Variants in RAD54L2 observed in about 807,000 individuals in gnomAD.
RAD54L2 encodes the protein RAD54 like 2.
A neutral mutation model predicts 138.4 loss-of-function variants in RAD54L2; 27 were observed. The observed-to-expected ratio is 0.20, with a 90% CI of 0.14 to 0.27. The LOEUF (loss-of-function observed/expected upper bound fraction) is 0.27, where lower values mean the gene tolerates loss of function less well. Among genes scored for constraint, RAD54L2 ranks in the 10% least tolerant of loss-of-function variants. The pLI is 1.00. For synonymous variants in RAD54L2, 644 were observed against 723.2 expected, an observed-to-expected ratio of 0.89 and a Z score of 1.76; for missense variants, 1,396 against 1,890.2, an observed-to-expected ratio of 0.74 and a Z score of 4.85.
At chr3:51,551,496 C>T (rs530553666) in intron 2 of RAD54L2, among the ~76,000 whole-genome samples, 11 of 151,052 alleles carry the variant, frequency 7.3e-5, no homozygotes, top group Non-Finnish European at 1.3e-4. Flanking sequence ...AGTGCAGTGG[C>T]GCGATCTCGG....
At chr3:51,607,830 G>A (rs1700229175) in intron 3 of RAD54L2, among the ~76,000 whole-genome samples, 2 of 150,144 alleles carry the variant, frequency 1.3e-5, no homozygotes, top group Non-Finnish European at 3.0e-5. Context: ...CTCCCAGACG[G>A]GGCGGCTGGG....
In RAD54L2 at chr3:51,538,752, C is replaced by G. The variant is rs1299720350; in HGVS notation, c.-280C>G. ...GCGCCGCCGCCGGTGGAGACCGACG[C>G]TTGGCCAGAGCCAGCCCGCGGCGCC... On this transcript the variant is annotated 5_prime_UTR_variant, in exon 1 of 23. Coordinates refer to ENST00000684192, the MANE Select transcript of RAD54L2 (RefSeq NM_015106.4). Among the ~76,000 whole-genome samples the G allele has an allele frequency of 2.6e-5, 4 of 151,924 alleles. No homozygotes were observed. Among genetic ancestry groups the G allele is most frequent in the Admixed American group, 2.6e-4 (4 of 15,240 alleles).
chr3:51,630,548 T>A, intron 6 of RAD54L2, 157 bp from the exon 7 acceptor site: 1 of 977,080 alleles, frequency 1.0e-6, no homozygotes, highest in Non-Finnish European at 1.5e-6. Context: ...TTGCTTGTCT[T>A]AACTTGAAGC....
intron 2 of RAD54L2, among the ~76,000 whole-genome samples, chr3:51,571,679 A>G (rs902179382): frequency 6.6e-6 from 1 of 151,984 alleles, no homozygotes; most frequent in Non-Finnish European, 1.5e-5. Context: ...CAAATAGCTT[A>G]TTTATCTGAT....
intron 2 of RAD54L2, among the ~76,000 whole-genome samples, chr3:51,566,466 GTTTTTTTTTTTTTTT>G (rs71084149): frequency 5.4e-4 from 17 of 31,534 alleles, no homozygotes; most frequent in Admixed American, 1.3e-3. Flanking sequence ...CCTTTTCTGC[GTTTTTTTTTTTTTTT>G]TTTTTTTTTT....
chr3:51,653,925 G>T (rs1055764556), intron 19 of RAD54L2, among the ~76,000 whole-genome samples: 1 of 152,164 alleles, frequency 6.6e-6, no homozygotes. Context: ...GGAACTTAAA[G>T]TATAATAAAA....
rs181742417 is a variant in RAD54L2 at position 51,658,613 on chromosome 3, T to C, written c.3316+944T>C. Among the ~76,000 whole-genome samples the C allele has an allele frequency of 1.1e-3, 169 of 152,270 alleles. 3 individuals carry two copies. The highest frequency in any genetic ancestry group is 3.5e-3 in the African/African-American group (146 of 41,554). On this transcript the variant is annotated intron_variant, in intron 21 of 22. Coordinates refer to ENST00000684192, the MANE Select transcript of RAD54L2 (RefSeq NM_015106.4). ...CATATTAGCCTTTAAATAAGCCCCA[T>C]GATTGTGTGAGGCTCTTTGAGACTT...
At chr3:51,588,525 A>ACT in intron 2 of RAD54L2, among the ~76,000 whole-genome samples, 1 of 145,846 alleles carries the variant, frequency 6.9e-6, no homozygotes, top group African/African-American at 2.5e-5. Flanking sequence ...ACAGAGTGAA[A>ACT]CTGCATCTCA....
intron 3 of RAD54L2, among the ~76,000 whole-genome samples, chr3:51,603,225 C>T (rs942036053): frequency 6.6e-6 from 1 of 151,224 alleles, no homozygotes; most frequent in Non-Finnish European, 1.5e-5. Flanking sequence ...GGGAGGATCA[C>T]TTGAGCCAGG....
intron 2 of RAD54L2, among the ~76,000 whole-genome samples, chr3:51,550,551 C>A (rs1265941138): frequency 1.3e-5 from 2 of 152,012 alleles, no homozygotes; most frequent in Non-Finnish European, 2.9e-5. Context: ...TTGCTTAAGT[C>A]CGGGATTTCG....
chr3:51,664,364 G>C lies in RAD54L2; in HGVS notation c.*944G>C, dbSNP rs1313350787. ...GGGAGGGAGAAGCACTGCAGTACGT[G>C]AATGAAAGGTCGCAGAGTTGTGGCT... is the stretch of plus-strand genomic sequence containing the variant. On this transcript the variant is annotated 3_prime_UTR_variant, in exon 23 of 23. Coordinates refer to ENST00000684192, the MANE Select transcript of RAD54L2 (RefSeq NM_015106.4). 1 of 152,236 alleles carries C rather than the reference G, an allele frequency of 6.6e-6. No individual in the cohort carries two copies. Among genetic ancestry groups the C allele is most frequent in the Admixed American group, 6.5e-5 (1 of 15,288 alleles). The allele number at this position is 152,236 out of a possible 1,614,324, so 9.4% of individuals were successfully genotyped here. A position where few individuals can be genotyped will look rare whatever the true frequency, so the allele number is the denominator to read the frequency against.
intron 19 of RAD54L2, among the ~76,000 whole-genome samples, chr3:51,652,938 TTAAAC>T (rs1260379655): frequency 6.6e-6 from 1 of 152,122 alleles, no homozygotes; most frequent in Non-Finnish European, 1.5e-5. Flanking sequence ...TGGGATCTAA[TTAAAC>T]TAAAGAGATT....
At chr3:51,558,940 C>A (rs1699035854) in intron 2 of RAD54L2, among the ~76,000 whole-genome samples, 1 of 152,112 alleles carries the variant, frequency 6.6e-6, no homozygotes, top group Admixed American at 6.5e-5. Flanking sequence ...GTGGCATGAT[C>A]TTGGCTTACT....
At chr3:51,598,870 C>A (rs995513849) in intron 3 of RAD54L2, among the ~76,000 whole-genome samples, 1 of 152,090 alleles carries the variant, frequency 6.6e-6, no homozygotes, top group Non-Finnish European at 1.5e-5. Context: ...TGCACCCCTT[C>A]CCCCATCCCT....
At chr3:51,604,448 TC>T (rs1700138036) in intron 3 of RAD54L2, among the ~76,000 whole-genome samples, 1 of 151,368 alleles carries the variant, frequency 6.6e-6, no homozygotes, top group African/African-American at 2.4e-5. Flanking sequence ...TCTATTTTGT[TC>T]CCACATAGCT....
intron 2 of RAD54L2, among the ~76,000 whole-genome samples, chr3:51,575,627 A>G (rs1008326947): frequency 1.3e-5 from 2 of 152,100 alleles, no homozygotes; most frequent in African/African-American, 2.4e-5. Context: ...ATGGGAGTTC[A>G]TTCATGATTT....
At position 51,585,241 on chromosome 3, in the gene RAD54L2, C is replaced by T. The variant is rs939640872; in HGVS notation, c.-54-5126C>T. 4.6e-5 allele frequency among the ~76,000 whole-genome samples: 7 copies of T among 152,248 alleles called. No homozygotes were observed. In the East Asian group the frequency reaches 1.2e-3, roughly 25 times the overall value. On this transcript the variant is annotated intron_variant, in intron 2 of 22. Transcript: ENST00000684192. ...GTGGACTTGCTTTGAGACCACTTGA[C>T]AGAATTTAGTACTACTGAAGGTCAC...
chr3:51,599,464 T>C (rs1456398279), intron 3 of RAD54L2, among the ~76,000 whole-genome samples: 1 of 152,142 alleles, frequency 6.6e-6, no homozygotes, highest in African/African-American at 2.4e-5. Flanking sequence ...ATTATCTTGA[T>C]TTTTATTAGT....
At chr3:51,627,416 C>G (rs1466432534) in intron 3 of RAD54L2, 137 bp from the exon 4 acceptor site, 2 of 769,158 alleles carry the variant, frequency 2.6e-6, no homozygotes, top group Non-Finnish European at 4.4e-6. Flanking sequence ...CACTGATGTT[C>G]AGAGAGATAT....
Sources: gnomAD v4.1 joint callset for allele counts (sites outside exome capture counted in the v4.1 genomes callset) on GRCh38, gnomAD v4.1.1 for gene constraint, MANE v1.5 for transcripts, NCBI Gene and HGNC (gene_info 2026-07-23, HGNC 2026-07-21) for gene names.